TMTC2: variants seen among roughly 807,000 people sequenced by gnomAD.
TMTC2 encodes transmembrane O-mannosyltransferase targeting cadherins 2.
In TMTC2, 43 loss-of-function variants were observed where a neutral mutation model predicts 82.4. That is an observed-to-expected ratio of 0.52 (90% confidence interval 0.41 to 0.67). TMTC2 has a LOEUF of 0.67. Ranked by LOEUF, TMTC2 falls within the 30% of genes least tolerant of loss-of-function variation. The pLI, the probability that TMTC2 is intolerant of heterozygous loss-of-function variation, is 0.00. For missense variants in TMTC2, 919 were observed against 1,012.4 expected, an observed-to-expected ratio of 0.91 and a Z score of 1.25; for synonymous variants, 408 against 381.9, an observed-to-expected ratio of 1.07 and a Z score of -0.80.
At chr12:82,804,708 A>G (rs898291038) in intron 1 of TMTC2, among the ~76,000 whole-genome samples, 9 of 152,134 alleles carry the variant, frequency 5.9e-5, no homozygotes, top group African/African-American at 2.2e-4. Context: ...CCGGTATTGA[A>G]TAGTGCAGTG....
In TMTC2 at chr12:82,784,458, C is replaced by A. The variant is rs924900239; in HGVS notation, c.84-72552C>A. The stretch of plus-strand genomic sequence containing the variant: ...TTAGGTCTCATGTAATTACTATGAT[C>A]GCACGGCCTGATACATCGGTGTTTC... On this transcript the variant is annotated intron_variant, in intron 1 of 11. Coordinates refer to ENST00000321196, the MANE Select transcript of TMTC2 (RefSeq NM_152588.3). Among the ~76,000 whole-genome samples, 33 of 152,030 alleles carry A rather than the reference C, an allele frequency of 2.2e-4. 1 individual carries two copies. The highest frequency in any genetic ancestry group is 6.6e-5 in the Admixed American group (1 of 15,256).
At chr12:83,041,765 TA>T (rs74567593) in intron 9 of TMTC2, among the ~76,000 whole-genome samples, 9,007 of 152,274 alleles carry the variant, frequency 0.059, 305 homozygotes, top group East Asian at 0.081. Flanking sequence ...AAGGGAAAAT[TA>T]ATGGATTGTT....
At chr12:82,951,307 T>TC (rs1877331209) in intron 4 of TMTC2, among the ~76,000 whole-genome samples, 1 of 151,704 alleles carries the variant, frequency 6.6e-6, no homozygotes, top group Admixed American at 6.6e-5. Context: ...AACTTTTTTT[T>TC]TTGAAATGGA....
chr12:83,050,850 T>C (rs781312372), intron 9 of TMTC2, 54 bp from the exon 10 acceptor site: 3 of 1,275,314 alleles, frequency 2.4e-6, no homozygotes, highest in Non-Finnish European at 3.4e-6. Flanking sequence ...ATAACAGCTT[T>C]ATTGTTTCAT....
At chr12:82,789,160 G>A (rs1011685282) in intron 1 of TMTC2, among the ~76,000 whole-genome samples, 5 of 152,032 alleles carry the variant, frequency 3.3e-5, no homozygotes, top group East Asian at 1.9e-4. Context: ...CGCTTTTGTC[G>A]TTTTGAAACC....
rs554535343 is a variant in TMTC2 at position 82,895,774 on chromosome 12, A to T, written c.655-44A>T. 22 of 1,527,928 alleles carry T rather than the reference A, an allele frequency of 1.4e-5. No individual in the cohort carries two copies. In the South Asian group the frequency reaches 2.6e-4, roughly 18 times the overall value. The allele number at this position is 1,527,928 out of a possible 1,614,324, so 94.6% of individuals were successfully genotyped here. A position where few individuals can be genotyped will look rare whatever the true frequency, so the allele number is the denominator to read the frequency against. On this transcript the variant is annotated intron_variant, in intron 2 of 11. Transcript: ENST00000321196. ...TAAGTGTTAAGTGTTCCCATGCTGTACTGATAATAATCTTAATTTTTCCCT... is the reference window on the plus strand; with the variant it reads ...TAAGTGTTAAGTGTTCCCATGCTGTTCTGATAATAATCTTAATTTTTCCCT...
chr12:82,809,439 G>T (rs540926966), intron 1 of TMTC2, among the ~76,000 whole-genome samples: 1 of 152,060 alleles, frequency 6.6e-6, no homozygotes, highest in African/African-American at 2.4e-5. Context: ...GTTTTGTAGG[G>T]TAAAGGAGAC....
In TMTC2 at chr12:82,802,461, G is replaced by A. The variant is rs192640705; in HGVS notation, c.84-54549G>A. Among the ~76,000 whole-genome samples the A allele has an allele frequency of 1.2e-4, 18 of 152,346 alleles. No individual in the cohort carries two copies. In the East Asian group the frequency reaches 2.1e-3, roughly 18 times the overall value. ...GAGTGGGCGCCAAGGCTGAGGAGGT[G>A]CTGAGAGTGAGCGAGGACTGGGAGG... On this transcript the variant is annotated intron_variant, in intron 1 of 11. Coordinates refer to ENST00000321196, the MANE Select transcript of TMTC2 (RefSeq NM_152588.3).
At chr12:82,863,155 G>A (rs1444871932) in intron 2 of TMTC2, among the ~76,000 whole-genome samples, 1 of 151,764 alleles carries the variant, frequency 6.6e-6, no homozygotes, top group Non-Finnish European at 1.5e-5. Flanking sequence ...TGCCTAAGTT[G>A]TGACCCCCCC....
rs552132090 is a variant in TMTC2, at chr12:83,063,176, GTTC to G, written c.2331+1353_2331+1355del. On this transcript the variant is annotated intron_variant, in intron 11 of 11. Coordinates refer to ENST00000321196, the MANE Select transcript of TMTC2 (RefSeq NM_152588.3). Reference sequence around the variant, plus strand: ...GGGAGGAACTTAGAAAGTCCTGTTTGTTCTTCTTCTCTTTTTCCCTGTGTATTC... The same window carrying G: ...GGGAGGAACTTAGAAAGTCCTGTTTGTTCTTCTCTTTTTCCCTGTGTATTC... Among the ~76,000 whole-genome samples the G allele has an allele frequency of 2.5e-3, 381 of 151,792 alleles. 1 individual carries two copies. Among genetic ancestry groups the G allele is most frequent in the African/African-American group, 8.9e-3 (369 of 41,476 alleles).
At chr12:83,015,261 A>G (rs1880623984) in intron 8 of TMTC2, among the ~76,000 whole-genome samples, 1 of 152,212 alleles carries the variant, frequency 6.6e-6, no homozygotes, top group Non-Finnish European at 1.5e-5. Flanking sequence ...TGAGCAGGTC[A>G]ACATATTTCT....
intron 8 of TMTC2, among the ~76,000 whole-genome samples, chr12:83,021,417 T>G (rs764192374): frequency 5.3e-5 from 8 of 152,148 alleles, no homozygotes; most frequent in Non-Finnish European, 1.2e-4. Flanking sequence ...TTCACCCATG[T>G]ACAGCAAGTG....
chr12:82,825,081 T>C (rs942713861), intron 1 of TMTC2, among the ~76,000 whole-genome samples: 3 of 148,800 alleles, frequency 2.0e-5, no homozygotes, highest in Admixed American at 1.3e-4. Flanking sequence ...AAAACAAGAC[T>C]CTGACTCAAA....
At position 83,043,490 on chromosome 12, in the gene TMTC2, G is replaced by A. The variant is rs369785935; in HGVS notation, c.2153-7414G>A. On this transcript the variant is annotated intron_variant, in intron 9 of 11. Transcript: ENST00000321196. ...ATCATCAGAATCTTTGAAAAAGTCC[G>A]CAGGTACAGATAGTTGCTTCCGGGA... is the stretch of plus-strand genomic sequence containing the variant. Among the ~76,000 whole-genome samples the A allele has an allele frequency of 2.8e-4, 43 of 152,274 alleles. 1 individual carries two copies. In the East Asian group the frequency reaches 7.5e-3, roughly 27 times the overall value.
chr12:82,969,140 C>T (rs938298312), intron 7 of TMTC2, among the ~76,000 whole-genome samples: 2 of 152,040 alleles, frequency 1.3e-5, no homozygotes, highest in African/African-American at 4.8e-5. Flanking sequence ...AAAAAATGAC[C>T]CAGGAGATAA....
At chr12:83,103,459 G>A (rs756847679) in intron 11 of TMTC2, among the ~76,000 whole-genome samples, 9 of 152,072 alleles carry the variant, frequency 5.9e-5, no homozygotes, top group Non-Finnish European at 1.3e-4. Context: ...GCGCTTTTTC[G>A]GATCTCGGAA....
In TMTC2 at chr12:83,009,319, G is replaced by A. The variant is rs12809278; in HGVS notation, c.2071-21479G>A. Among the ~76,000 whole-genome samples the A allele has an allele frequency of 7.8e-3, 1,186 of 152,156 alleles. 20 individuals are homozygous for A. The highest frequency in any genetic ancestry group is 0.067 in the South Asian group (321 of 4,812). ...CTTAGTCCGGTTCCTGAAAGGTGAT[G>A]GTTGAGTACCCCCTAAGACTGTGGT... On this transcript the variant is annotated intron_variant, in intron 8 of 11. Coordinates refer to ENST00000321196, the MANE Select transcript of TMTC2 (RefSeq NM_152588.3).
At chr12:82,869,917 T>A (rs1872087599) in intron 2 of TMTC2, among the ~76,000 whole-genome samples, 3 of 152,012 alleles carry the variant, frequency 2.0e-5, no homozygotes, top group Admixed American at 2.0e-4. Context: ...GGCCCACGAT[T>A]AGTTGAGAGG....
intron 8 of TMTC2, among the ~76,000 whole-genome samples, chr12:82,997,221 C>CTATATA (rs1183203782): frequency 5.9e-5 from 7 of 118,540 alleles, no homozygotes; most frequent in African/African-American, 2.6e-4. Flanking sequence ...CTCTCTCTCT[C>CTATATA]TATATATATA....
Sources: gnomAD v4.1 joint callset for allele counts (sites outside exome capture counted in the v4.1 genomes callset) on GRCh38, gnomAD v4.1.1 for gene constraint, MANE v1.5 for transcripts, NCBI Gene and HGNC (gene_info 2026-07-23, HGNC 2026-07-21) for gene names.